Variants in MEMO1 observed in about 807,000 individuals in gnomAD.
The protein encoded by MEMO1 is mediator of cell motility 1.
Under a neutral mutation model 45.2 loss-of-function variants are expected in MEMO1, and 6 were observed. The ratio of observed to expected loss-of-function variants is 0.13; its 90% CI spans 0.07 to 0.26. The LOEUF is 0.26. MEMO1 is among the 10% of genes least tolerant of loss of function. The pLI, the probability that MEMO1 is intolerant of heterozygous loss-of-function variation, is 1.00. For synonymous variants in MEMO1, 78 were observed against 124.3 expected, an observed-to-expected ratio of 0.63 and a Z score of 2.48; for missense variants, 184 against 370.5, an observed-to-expected ratio of 0.50 and a Z score of 4.13.
chr2:31,912,269 G>A (rs1212802986), intron 6 of MEMO1, among the ~76,000 whole-genome samples: 2 of 151,996 alleles, frequency 1.3e-5, no homozygotes, highest in Non-Finnish European at 2.9e-5. Flanking sequence ...CTGGGAGGTG[G>A]GGGTTGCAGC....
At chr2:31,994,257 G>A (rs889211089) in intron 2 of MEMO1, among the ~76,000 whole-genome samples, 9 of 150,560 alleles carry the variant, frequency 6.0e-5, no homozygotes, top group East Asian at 2.0e-4. Flanking sequence ...CACCACACCC[G>A]GCCACCTCAA....
chr2:31,872,070 C>A (rs1326783183), intron 8 of MEMO1, among the ~76,000 whole-genome samples: 1 of 147,238 alleles, frequency 6.8e-6, no homozygotes, highest in East Asian at 2.0e-4. Context: ...TAAACTATAT[C>A]ATAATTCTGA....
chr2:31,969,365 GTATA>G (rs1233058447), intron 2 of MEMO1, among the ~76,000 whole-genome samples: 5 of 149,174 alleles, frequency 3.4e-5, no homozygotes, highest in African/African-American at 4.9e-5. Flanking sequence ...TATGTTACGT[GTATA>G]TATATACACA....
At chr2:31,924,079 A>C (rs1682727570) in intron 4 of MEMO1, among the ~76,000 whole-genome samples, 1 of 150,058 alleles carries the variant, frequency 6.7e-6, no homozygotes. Context: ...AATAAGAAAA[A>C]AAGGTTTAAG....
intron 2 of MEMO1, among the ~76,000 whole-genome samples, chr2:31,969,424 C>T (rs953891564): frequency 9.3e-5 from 14 of 149,932 alleles, no homozygotes; most frequent in African/African-American, 3.2e-4. Flanking sequence ...CGTATATATA[C>T]ATATATGTGT....
chr2:31,961,347 G>C (rs1342239974), intron 2 of MEMO1, among the ~76,000 whole-genome samples: 3 of 151,890 alleles, frequency 2.0e-5, no homozygotes, highest in East Asian at 1.9e-4. Context: ...ATAAAGGAAG[G>C]CTCCATCAAA....
chr2:31,911,926 G>A (rs543945885), intron 6 of MEMO1, among the ~76,000 whole-genome samples: 13 of 152,156 alleles, frequency 8.5e-5, no homozygotes, highest in Admixed American at 2.0e-4. Flanking sequence ...CAGGCCTCAT[G>A]AGCAACCACA....
chr2:31,995,345 G>A (rs900160928), intron 2 of MEMO1, among the ~76,000 whole-genome samples: 3 of 151,900 alleles, frequency 2.0e-5, no homozygotes, highest in Non-Finnish European at 2.9e-5. Flanking sequence ...CCAGCTACTC[G>A]GGAGAGGCTG....
At chr2:31,980,527 G>A (rs187541376) in intron 2 of MEMO1, among the ~76,000 whole-genome samples, 1 of 151,982 alleles carries the variant, frequency 6.6e-6, no homozygotes, top group East Asian at 1.9e-4. Context: ...TTAAATGCAT[G>A]AGTCAAATTA....
At chr2:31,947,956 A>G (rs984770087) in intron 2 of MEMO1, among the ~76,000 whole-genome samples, 2 of 152,172 alleles carry the variant, frequency 1.3e-5, no homozygotes, top group Admixed American at 6.5e-5. Context: ...ACTCTAGACA[A>G]AAGTCATGTG....
At chr2:31,912,375 T>A (rs898773094) in intron 6 of MEMO1, among the ~76,000 whole-genome samples, 5 of 151,976 alleles carry the variant, frequency 3.3e-5, no homozygotes, top group African/African-American at 4.8e-5. Context: ...TAGCTGGGCA[T>A]GGTGGCACTT....
At chr2:31,992,724 C>T (rs1025043464) in intron 2 of MEMO1, among the ~76,000 whole-genome samples, 9 of 152,080 alleles carry the variant, frequency 5.9e-5, no homozygotes, top group African/African-American at 2.2e-4. Context: ...ATGGAGGGTG[C>T]AGTGAGCCGA....
chr2:31,988,003 G>C (rs997695770), intron 2 of MEMO1, among the ~76,000 whole-genome samples: 2 of 152,162 alleles, frequency 1.3e-5, no homozygotes, highest in Non-Finnish European at 2.9e-5. Flanking sequence ...AGTATGCGCA[G>C]AGTGTTAGTA....
At chr2:31,919,987 T>C (rs948465560) in intron 5 of MEMO1, among the ~76,000 whole-genome samples, 3 of 151,726 alleles carry the variant, frequency 2.0e-5, no homozygotes, top group Non-Finnish European at 2.9e-5. Context: ...TACATGCGTG[T>C]GTGTGAATAA....
chr2:31,931,690 G>T (rs1664193366), intron 4 of MEMO1, among the ~76,000 whole-genome samples: 1 of 151,880 alleles, frequency 6.6e-6, no homozygotes, highest in Non-Finnish European at 1.5e-5. Context: ...TATCCTTTCA[G>T]TAACCACAAT....
At chr2:31,882,017 C>T (rs566974225) in intron 8 of MEMO1, among the ~76,000 whole-genome samples, 10 of 151,950 alleles carry the variant, frequency 6.6e-5, no homozygotes, top group South Asian at 2.1e-4. Flanking sequence ...TGGTGGTAGG[C>T]GCCTGTGTCC....
chr2:31,963,045 T>G, intron 2 of MEMO1: 3 of 1,284,528 alleles, frequency 2.3e-6, no homozygotes, highest in Non-Finnish European at 2.1e-6. Flanking sequence ...AGATTTCTTC[T>G]GCCTTCACCT....
intron 2 of MEMO1, among the ~76,000 whole-genome samples, chr2:31,986,635 A>G (rs1320658350): frequency 6.6e-6 from 1 of 152,210 alleles, no homozygotes; most frequent in African/African-American, 2.4e-5. Context: ...ACTGTTTCTG[A>G]TTATGAAGAT....
At chr2:31,960,563 T>C (rs934184436) in intron 2 of MEMO1, among the ~76,000 whole-genome samples, 4 of 152,200 alleles carry the variant, frequency 2.6e-5, no homozygotes, top group African/African-American at 7.2e-5. Context: ...TTGGATAAAG[T>C]ACTTCAATAT....
Sources: allele counts gnomAD v4.1 joint callset (sites outside exome capture counted in the v4.1 genomes callset), GRCh38; gene constraint gnomAD v4.1.1; transcripts MANE v1.5; gene names NCBI Gene and HGNC (gene_info 2026-07-23, HGNC 2026-07-21).